Variants in CTNND2 observed in about 807,000 individuals in gnomAD.
CTNND2 encodes catenin delta-2.
CTNND2 carries 22 observed loss-of-function variants against 144.4 expected under a neutral mutation model. The ratio of observed to expected loss-of-function variants is 0.15; its 90% CI spans 0.11 to 0.22. The LOEUF is 0.22. Ranked by LOEUF, CTNND2 falls within the 10% of genes least tolerant of loss-of-function variation. The pLI is 1.00. For synonymous variants in CTNND2, 751 were observed against 695.6 expected, an observed-to-expected ratio of 1.08 and a Z score of -1.25; for missense variants, 1,353 against 1,618.8, an observed-to-expected ratio of 0.84 and a Z score of 2.82.
intron 2 of CTNND2, among the ~76,000 whole-genome samples, chr5:11,729,089 G>A (rs1053200441): frequency 4.0e-5 from 6 of 151,892 alleles, no homozygotes; most frequent in East Asian, 1.9e-4. Context: ...GATGCTGCAC[G>A]TGGGACCTAA....
intron 15 of CTNND2, 23 bp from the exon 16 acceptor site, chr5:11,082,869 G>A (rs1561276489): frequency 1.9e-6 from 3 of 1,611,634 alleles, no homozygotes; most frequent in Non-Finnish European, 2.5e-6. Flanking sequence ...GGAAGGCGAA[G>A]GGCGTTAGAA....
intron 3 of CTNND2, among the ~76,000 whole-genome samples, chr5:11,519,988 A>T (rs749277238): frequency 2.5e-4 from 25 of 99,920 alleles, no homozygotes; most frequent in African/African-American, 1.4e-3. Flanking sequence ...AAAATAGAAT[A>T]AAAAAAAAAA....
chr5:11,541,370 T>C (rs1156921375), intron 3 of CTNND2, among the ~76,000 whole-genome samples: 1 of 152,204 alleles, frequency 6.6e-6, no homozygotes, highest in African/African-American at 2.4e-5. Flanking sequence ...TAAATAGCCA[T>C]AAAGAAAAGT....
rs73059707 is a variant in CTNND2, at chr5:11,653,761, T to G, written c.174+78375A>C. Among the ~76,000 whole-genome samples, 811 of 152,106 alleles carry G rather than the reference T, an allele frequency of 5.3e-3. 10 individuals carry two copies. The highest frequency in any genetic ancestry group is 0.019 in the African/African-American group (786 of 41,530). ...TTTGATGTAGGCTTGTTTGGTTTTTTTTTTTCCCTTTTGGTTGCCTGTGAT... is the reference window on the plus strand; with the variant it reads ...TTTGATGTAGGCTTGTTTGGTTTTTGTTTTTCCCTTTTGGTTGCCTGTGAT... On this transcript the variant is annotated intron_variant, in intron 2 of 21. Coordinates refer to ENST00000304623, the MANE Select transcript of CTNND2 (RefSeq NM_001332.4).
intron 9 of CTNND2, among the ~76,000 whole-genome samples, chr5:11,290,130 G>C (rs1030281508): frequency 6.6e-6 from 1 of 152,130 alleles, no homozygotes; most frequent in Non-Finnish European, 1.5e-5. Flanking sequence ...GTGGAGAATA[G>C]CAGCATTTTT....
chr5:11,790,625 T>C (rs1791080404), intron 1 of CTNND2, among the ~76,000 whole-genome samples: 1 of 152,238 alleles, frequency 6.6e-6, no homozygotes, highest in Non-Finnish European at 1.5e-5. Flanking sequence ...TTTGCTTCTT[T>C]GAATATGTCA....
chr5:11,793,615 A>C (rs1791251775), intron 1 of CTNND2, among the ~76,000 whole-genome samples: 9 of 152,214 alleles, frequency 5.9e-5, no homozygotes, highest in Admixed American at 5.9e-4. Flanking sequence ...CCAGCCAAGG[A>C]ACTACCAGAA....
At chr5:11,665,921 C>A (rs1394230932) in intron 2 of CTNND2, among the ~76,000 whole-genome samples, 1 of 152,100 alleles carries the variant, frequency 6.6e-6, no homozygotes, top group Non-Finnish European at 1.5e-5. Flanking sequence ...CAAAATGCAT[C>A]ATATTTTTCC....
intron 5 of CTNND2, among the ~76,000 whole-genome samples, chr5:11,406,744 C>A (rs747710222): frequency 2.0e-5 from 3 of 151,808 alleles, no homozygotes; most frequent in Non-Finnish European, 4.4e-5. Flanking sequence ...TTAATTCCAC[C>A]TGCTTAGAAT....
At chr5:11,051,970 C>T (rs1196343145) in intron 16 of CTNND2, among the ~76,000 whole-genome samples, 1 of 152,118 alleles carries the variant, frequency 6.6e-6, no homozygotes, top group African/African-American at 2.4e-5. Flanking sequence ...CTATGAGTTC[C>T]CACAGCACTT....
rs548270956 is a variant in CTNND2, at chr5:10,988,482, C to A, written c.3212-240G>T. Among the ~76,000 whole-genome samples, 1 of 152,148 alleles carries A rather than the reference C, an allele frequency of 6.6e-6. No individual in the cohort carries two copies. The highest frequency in any genetic ancestry group is 1.5e-5 in the Non-Finnish European group (1 of 68,016). Reference sequence around the variant, plus strand: ...GGGCATGTGATTTGGAGGCTGGCAACTGGGGACCACATCCTGGGGCCATCT... The same window carrying A: ...GGGCATGTGATTTGGAGGCTGGCAAATGGGGACCACATCCTGGGGCCATCT... On this transcript the variant is annotated intron_variant, in intron 19 of 21. Transcript: ENST00000304623. The surrounding 1 kb of genome is among the most constrained non-coding windows in gnomAD (Gnocchi z 5.9).
chr5:11,497,487 AT>A lies in CTNND2; in HGVS notation c.287+67456del, dbSNP rs1304195947. Among the ~76,000 whole-genome samples, 13 of 108,928 alleles carry A rather than the reference AT, an allele frequency of 1.2e-4. No individual in the cohort carries two copies. The East Asian group carries it at 3.7e-3, about 31-fold the overall frequency. 71.5% of individuals were successfully genotyped at this position (108,928 alleles called of 152,430 possible). A position where few individuals can be genotyped will look rare whatever the true frequency, so the allele number is the denominator to read the frequency against. On this transcript the variant is annotated intron_variant, in intron 3 of 21. Coordinates refer to ENST00000304623, the MANE Select transcript of CTNND2 (RefSeq NM_001332.4). ...GCTAAGACAGGAATGATATGTTGAC[AT>A]CCATGAGGCAAAGAATGATGTGCGG... is the stretch of plus-strand genomic sequence containing the variant.
chr5:11,396,940 C>T, intron 6 of CTNND2, 91 bp downstream of exon 6: 1 of 1,311,376 alleles, frequency 7.6e-7, no homozygotes, highest in Non-Finnish European at 1.0e-6. Context: ...AAAAGGCAGG[C>T]TGGATCTCCA....
intron 3 of CTNND2, among the ~76,000 whole-genome samples, chr5:11,443,159 G>C (rs1490619989): frequency 6.8e-6 from 1 of 148,010 alleles, no homozygotes; most frequent in Non-Finnish European, 1.5e-5. Flanking sequence ...CTTTGATTTT[G>C]ACTTTAAATA....
At chr5:11,667,848 T>C (rs1356607782) in intron 2 of CTNND2, among the ~76,000 whole-genome samples, 3 of 152,234 alleles carry the variant, frequency 2.0e-5, no homozygotes, top group Non-Finnish European at 4.4e-5. Flanking sequence ...ACCATGCCTA[T>C]GTCCAGAATG....
intron 1 of CTNND2, among the ~76,000 whole-genome samples, chr5:11,794,523 G>T (rs1791300923): frequency 6.6e-6 from 1 of 152,158 alleles, no homozygotes; most frequent in African/African-American, 2.4e-5. Context: ...TCTTTGATTT[G>T]CTTTGTCATC....
chr5:11,857,988 C>T (rs1561863414), intron 1 of CTNND2, among the ~76,000 whole-genome samples: 2 of 152,126 alleles, frequency 1.3e-5, no homozygotes, highest in African/African-American at 2.4e-5. Context: ...GGGCCTGTAG[C>T]TAATCTGGTA....
intron 1 of CTNND2, among the ~76,000 whole-genome samples, chr5:11,861,518 C>G (rs1304429273): frequency 6.6e-6 from 1 of 152,284 alleles, no homozygotes; most frequent in East Asian, 1.9e-4. Context: ...AGAAGATGAT[C>G]ACCTCTCTCG....
intron 2 of CTNND2, among the ~76,000 whole-genome samples, chr5:11,693,340 AATGGACAG>A (rs1784995720): frequency 6.6e-6 from 1 of 152,258 alleles, no homozygotes; most frequent in African/African-American, 2.4e-5. Flanking sequence ...TAGCAAACCA[AATGGACAG>A]ATACGCAGAC....
Sources: gnomAD v4.1 joint callset for allele counts (sites outside exome capture counted in the v4.1 genomes callset) on GRCh38, gnomAD v4.1.1 for gene constraint, Gnocchi (gnomAD v3.1) non-coding constraint, MANE v1.5 for transcripts, NCBI Gene and HGNC (gene_info 2026-07-23, HGNC 2026-07-21) for gene names.